PCDH11X: variants seen among roughly 807,000 people sequenced by gnomAD.
PCDH11X encodes protocadherin-11 X-linked.
Under a neutral mutation model 53.3 loss-of-function variants are expected in PCDH11X, and 18 were observed. That is an observed-to-expected ratio of 0.34 (90% CI 0.23 to 0.50). PCDH11X has a LOEUF of 0.50. Ranked by LOEUF, PCDH11X falls within the 20% of genes least tolerant of loss-of-function variation. The pLI is 0.98. For missense variants in PCDH11X, 570 were observed against 1,032.4 expected (o/e 0.55, Z 6.14); for synonymous variants, 279 against 393.3 (o/e 0.71, Z 3.44).
At position 92,296,358 on chromosome X, in the gene PCDH11X, T is replaced by C. The variant is rs190678276; in HGVS notation, c.3144+33215T>C. On this transcript the variant is annotated intron_variant, in intron 8 of 10. Transcript: ENST00000682573. ...TATTTTATCACCCAGGTAGTAAGCA[T>C]GGTACCTGACAGGTAGTTTGTTGGT... Among the ~76,000 whole-genome samples the C allele has an allele frequency of 4.8e-3, 526 of 110,163 alleles. 2 individuals carry two copies. The highest frequency in any genetic ancestry group is 0.017 in the African/African-American group (512 of 30,001).
At chrX:92,073,034 G>A (rs1368722398) in intron 6 of PCDH11X, among the ~76,000 whole-genome samples, 1 of 111,380 alleles carries the variant, frequency 9.0e-6, no homozygotes, top group African/African-American at 3.3e-5. Context: ...CTGTGCATGA[G>A]TGCTGGCTGA....
At chrX:91,991,844 T>A (rs1245972061) in intron 6 of PCDH11X, among the ~76,000 whole-genome samples, 1 of 110,241 alleles carries the variant, frequency 9.1e-6, no homozygotes, top group Admixed American at 9.7e-5. Flanking sequence ...TTTCAAGAAA[T>A]TTCCTCTGTT....
intron 8 of PCDH11X, among the ~76,000 whole-genome samples, chrX:92,275,553 G>A (rs1057394165): frequency 1.8e-5 from 2 of 111,429 alleles, no homozygotes; most frequent in African/African-American, 6.5e-5. Context: ...GCATGTTTGA[G>A]ATCCAGAACA....
intron 5 of PCDH11X, among the ~76,000 whole-genome samples, chrX:91,848,520 A>T (rs5984129): frequency 9.0e-6 from 1 of 111,311 alleles, no homozygotes; most frequent in Non-Finnish European, 1.9e-5. Flanking sequence ...TAATCTAATT[A>T]TTTTTGTTAT....
chrX:91,885,961 A>C (rs771623879), intron 6 of PCDH11X, among the ~76,000 whole-genome samples: 1 of 111,388 alleles, frequency 9.0e-6, no homozygotes, highest in East Asian at 2.8e-4. Flanking sequence ...CCATAGATGA[A>C]AATGAATTCT....
intron 9 of PCDH11X, among the ~76,000 whole-genome samples, chrX:92,427,230 C>T (rs746444358): frequency 1.8e-5 from 2 of 108,572 alleles, no homozygotes; most frequent in South Asian, 8.2e-4. Context: ...ACACACATAC[C>T]TAAAACCATT....
At chrX:91,839,803 GTTA>G (rs1437660233) in intron 5 of PCDH11X, among the ~76,000 whole-genome samples, 1 of 110,929 alleles carries the variant, frequency 9.0e-6, no homozygotes, top group Non-Finnish European at 1.9e-5. Context: ...AGTTCTTGAT[GTTA>G]TTAATAGTTA....
intron 6 of PCDH11X, among the ~76,000 whole-genome samples, chrX:91,901,503 A>G (rs1940953009): frequency 9.0e-6 from 1 of 111,415 alleles, no homozygotes; most frequent in African/African-American, 3.3e-5. Flanking sequence ...TCTTTTTCAC[A>G]TTCTTTCTCC....
intron 10 of PCDH11X, among the ~76,000 whole-genome samples, chrX:92,478,636 A>ATTCATGACC (rs199656203): frequency 0.13 from 14,140 of 111,061 alleles, 920 homozygotes; most frequent in East Asian, 0.43. Flanking sequence ...CCTAAAAGTC[A>ATTCATGACC]TTCATGACCT....
chrX:92,156,371 T>G (rs2065537359), intron 6 of PCDH11X, among the ~76,000 whole-genome samples: 1 of 110,162 alleles, frequency 9.1e-6, no homozygotes, highest in Non-Finnish European at 1.9e-5. Flanking sequence ...ACGATGCAAG[T>G]TCTTACCCCT....
intron 6 of PCDH11X, among the ~76,000 whole-genome samples, chrX:92,164,267 C>T (rs776087814): frequency 3.6e-4 from 40 of 111,704 alleles, no homozygotes; most frequent in African/African-American, 1.3e-3. Flanking sequence ...AACAGGATGA[C>T]TTTATTGTTG....
At chrX:92,386,145 A>T (rs894591707) in intron 8 of PCDH11X, among the ~76,000 whole-genome samples, 1 of 111,391 alleles carries the variant, frequency 9.0e-6, no homozygotes, top group Admixed American at 9.6e-5. Flanking sequence ...AGACTTTAAT[A>T]TAAAAAATAA....
chrX:91,817,255 G>A lies in PCDH11X; in HGVS notation c.-45+5960G>A, dbSNP rs750736954. 1.6e-3 allele frequency among the ~76,000 whole-genome samples: 158 copies of A among 100,290 alleles called. 1 individual carries two copies. The highest frequency in any genetic ancestry group is 5.4e-3 in the African/African-American group (149 of 27,519). 87.1% of individuals were successfully genotyped at this position (100,290 alleles called of 115,157 possible). On this transcript the variant is annotated intron_variant, in intron 4 of 10. Coordinates refer to ENST00000682573, the MANE Select transcript of PCDH11X (RefSeq NM_032968.5). ...GTTCTCTCAGAGGATCTGGAACAGTGTGATTTCTAACTTAAAATGAGGGGA... is the reference window on the plus strand; with the variant it reads ...GTTCTCTCAGAGGATCTGGAACAGTATGATTTCTAACTTAAAATGAGGGGA...
At position 92,011,763 on chromosome X, in the gene PCDH11X, C is replaced by A. The variant is rs185604854; in HGVS notation, c.3033+132490C>A. ...AAGACAGAATTGTTGATAAAAACAG[C>A]AAGAACATTGATACTTAGGTTTTAG... is the stretch of plus-strand genomic sequence containing the variant. On this transcript the variant is annotated intron_variant, in intron 6 of 10. Coordinates refer to ENST00000682573, the MANE Select transcript of PCDH11X (RefSeq NM_032968.5). 7.2e-5 allele frequency among the ~76,000 whole-genome samples: 8 copies of A among 111,086 alleles called. No homozygotes were observed. In the East Asian group the frequency reaches 2.3e-3, roughly 32 times the overall value.
At position 92,328,868 on chromosome X, in the gene PCDH11X, A is replaced by T. The variant is rs1183856445; in HGVS notation, c.3145-58867A>T. Among the ~76,000 whole-genome samples the T allele has an allele frequency of 5.5e-4, 61 of 110,360 alleles. 2 individuals carry two copies. The highest frequency in any genetic ancestry group is 3.8e-5 in the Non-Finnish European group (2 of 52,704). On this transcript the variant is annotated intron_variant, in intron 8 of 10. Coordinates refer to ENST00000682573, the MANE Select transcript of PCDH11X (RefSeq NM_032968.5). The stretch of plus-strand genomic sequence containing the variant: ...CTACCAAATATTTAAGGACTAAATA[A>T]CACCAATTCTATACAAACTCCAAAA...
chrX:92,113,839 T>C lies in PCDH11X; in HGVS notation c.3034-87536T>C, dbSNP rs775015920. ...CATTGTAGCTGACAGCAAAACTACC[T>C]GGGTGTTGCTGTTGAGCTTTTGGAA... On this transcript the variant is annotated intron_variant, in intron 6 of 10. Transcript: ENST00000682573. 14 of 1,203,175 alleles carry C rather than the reference T, an allele frequency of 1.2e-5. No homozygotes were observed. The South Asian group carries it at 1.6e-4, about 14-fold the overall frequency.
At chrX:92,241,944 G>A (rs775925807) in intron 7 of PCDH11X, among the ~76,000 whole-genome samples, 3 of 110,282 alleles carry the variant, frequency 2.7e-5, no homozygotes, top group East Asian at 5.8e-4. Flanking sequence ...TATCACATGT[G>A]TATGTTCATG....
chrX:92,544,275 C>CT (rs2074807864), intron 10 of PCDH11X, among the ~76,000 whole-genome samples: 1 of 111,591 alleles, frequency 9.0e-6, no homozygotes, highest in Admixed American at 9.5e-5. Context: ...AAGAAGCTAG[C>CT]TTTTTTTCTT....
At chrX:92,291,262 A>G (rs1274985084) in intron 8 of PCDH11X, among the ~76,000 whole-genome samples, 1 of 90,274 alleles carries the variant, frequency 1.1e-5, no homozygotes, top group Non-Finnish European at 2.1e-5. Flanking sequence ...CTTTCCAAAG[A>G]TTTTTTTCTT....
Sources: allele counts gnomAD v4.1 joint callset (sites outside exome capture counted in the v4.1 genomes callset), GRCh38; gene constraint gnomAD v4.1.1; transcripts MANE v1.5; gene names NCBI Gene and HGNC (gene_info 2026-07-23, HGNC 2026-07-21).